Variants in SCAI observed in about 807,000 individuals in gnomAD.
SCAI encodes the protein protein SCAI.
SCAI carries 24 observed loss-of-function variants against 92.2 expected under a neutral mutation model. The ratio of observed to expected loss-of-function variants is 0.26; its 90% CI spans 0.19 to 0.37. The LOEUF (loss-of-function observed/expected upper bound fraction) is 0.37, where lower values mean the gene tolerates loss of function less well. SCAI is among the 10% of genes least tolerant of loss of function. SCAI has a pLI of 1.00. For missense variants in SCAI, 450 were observed against 736.2 expected (o/e 0.61, Z 4.50); for synonymous variants, 261 against 258.6 (o/e 1.01, Z -0.09).
chr9:125,057,319 TA>T (rs1833689554), intron 2 of SCAI, among the ~76,000 whole-genome samples: 1 of 151,606 alleles, frequency 6.6e-6, no homozygotes, highest in South Asian at 2.1e-4. Context: ...AGAGATAAGA[TA>T]GAGAAATGAG....
intron 17 of SCAI, among the ~76,000 whole-genome samples, chr9:124,957,394 A>C (rs1413114827): frequency 6.6e-6 from 1 of 151,752 alleles, no homozygotes; most frequent in Non-Finnish European, 1.5e-5. Context: ...ATGGAGTCTC[A>C]CTCTGTTGCC....
rs529831429 is a variant in SCAI, at chr9:125,098,001, A to ATG, written c.99-41996_99-41995dup. 5.8e-3 allele frequency among the ~76,000 whole-genome samples: 871 copies of ATG among 150,918 alleles called. 6 individuals are homozygous for ATG. The highest frequency in any genetic ancestry group is 0.02 in the African/African-American group (816 of 41,210). On this transcript the variant is annotated intron_variant, in intron 2 of 17. Coordinates refer to ENST00000336505, the MANE Select transcript of SCAI (RefSeq NM_001144877.3). ...TTCTGATCTATATAAGAATATATAT[A>ATG]TGTGTGTGTGTGTGTATATATATAT...
intron 14 of SCAI, among the ~76,000 whole-genome samples, chr9:124,978,468 A>T (rs945578102): frequency 6.6e-6 from 1 of 152,220 alleles, no homozygotes; most frequent in Admixed American, 6.5e-5. Flanking sequence ...CTATCAGTTA[A>T]GCAAAATTTC....
In SCAI at chr9:124,963,425, C is replaced by T. The variant is rs541961577; in HGVS notation, c.1674+7945G>A. 2.2e-4 allele frequency among the ~76,000 whole-genome samples: 34 copies of T among 152,084 alleles called. No individual in the cohort carries two copies. In the South Asian group the frequency reaches 3.9e-3, roughly 18 times the overall value. Reference sequence around the variant, plus strand: ...CTGGGATTACAGGCGTGAGCCACAGCGCCGGGCTGAGAAAAGAAAATGTTA... The same window carrying T: ...CTGGGATTACAGGCGTGAGCCACAGTGCCGGGCTGAGAAAAGAAAATGTTA... On this transcript the variant is annotated intron_variant, in intron 17 of 17. Coordinates refer to ENST00000336505, the MANE Select transcript of SCAI (RefSeq NM_001144877.3).
chr9:125,093,455 T>C (rs1265300779), intron 2 of SCAI, among the ~76,000 whole-genome samples: 3 of 152,226 alleles, frequency 2.0e-5, no homozygotes, highest in Admixed American at 6.5e-5. Context: ...CGTGGAAATG[T>C]TGGAGTGTTC....
At chr9:124,999,410 C>T (rs1832313488) in intron 13 of SCAI, among the ~76,000 whole-genome samples, 2 of 151,646 alleles carry the variant, frequency 1.3e-5, no homozygotes, top group Admixed American at 1.3e-4. Context: ...AATGTTTGGG[C>T]TGAACACAGT....
chr9:124,997,349 G>C (rs1832259429), intron 13 of SCAI, among the ~76,000 whole-genome samples: 2 of 152,066 alleles, frequency 1.3e-5, no homozygotes, highest in African/African-American at 4.8e-5. Flanking sequence ...AATTTCATGG[G>C]TCCCATCCCT....
At chr9:125,109,424 T>TAAAGTGCCATGTATTTAGTTATTAATACA in intron 2 of SCAI, among the ~76,000 whole-genome samples, 1 of 152,122 alleles carries the variant, frequency 6.6e-6, no homozygotes, top group African/African-American at 2.4e-5. Flanking sequence ...GAGCTTACAT[T>TAAAGTGCCATGTATTTAGTTATTAATACA]TGTTATTAAA....
chr9:125,070,662 G>A (rs771840229), intron 2 of SCAI, among the ~76,000 whole-genome samples: 5 of 152,010 alleles, frequency 3.3e-5, no homozygotes, highest in South Asian at 2.1e-4. Context: ...ACCTCCCAGC[G>A]TGCTGGGATT....
At chr9:125,003,951 G>A (rs1832418202) in intron 9 of SCAI, among the ~76,000 whole-genome samples, 1 of 152,066 alleles carries the variant, frequency 6.6e-6, no homozygotes, top group Non-Finnish European at 1.5e-5. Context: ...CAAGGCAGGT[G>A]GATCACCTGA....
rs1319969177 is a variant in SCAI, at chr9:124,971,519, A to G, written c.1574-49T>C. ...GTAAAAAGATGCTTAAATGGAAATTATGTTTCAAAGGGGAAGGAAACTTCA... is the reference window on the plus strand; with the variant it reads ...GTAAAAAGATGCTTAAATGGAAATTGTGTTTCAAAGGGGAAGGAAACTTCA... On this transcript the variant is annotated intron_variant, in intron 16 of 17. Transcript: ENST00000336505. 4 of 1,495,414 alleles carry G rather than the reference A, an allele frequency of 2.7e-6. No individual in the cohort carries two copies. In the Admixed American group the frequency reaches 7.2e-5, roughly 27 times the overall value. The allele number at this position is 1,495,414 out of a possible 1,614,324, so 92.6% of individuals were successfully genotyped here. A position where few individuals can be genotyped will look rare whatever the true frequency, so the allele number is the denominator to read the frequency against.
At chr9:125,019,241 A>G in intron 7 of SCAI, 36 bp from the exon 8 acceptor site, 1 of 1,170,558 alleles carries the variant, frequency 8.5e-7, no homozygotes, top group Non-Finnish European at 1.2e-6. Flanking sequence ...GGTTATTAAA[A>G]AACCCATAAA....
intron 2 of SCAI, among the ~76,000 whole-genome samples, chr9:125,088,645 T>C (rs1271853934): frequency 6.6e-6 from 1 of 152,158 alleles, no homozygotes; most frequent in African/African-American, 2.4e-5. Context: ...ACCCACCTAA[T>C]ATCTTAATTT....
intron 3 of SCAI, among the ~76,000 whole-genome samples, chr9:125,041,441 G>A (rs1254456572): frequency 6.6e-6 from 1 of 152,110 alleles, no homozygotes; most frequent in African/African-American, 2.4e-5. Context: ...CAATTATTGT[G>A]TTTCATTAAG....
intron 2 of SCAI, among the ~76,000 whole-genome samples, chr9:125,125,761 G>A (rs370892113): frequency 2.0e-5 from 3 of 151,010 alleles, no homozygotes; most frequent in African/African-American, 2.4e-5. Context: ...AACCTGGGAG[G>A]CGGAGGTTGC....
intron 13 of SCAI, 82 bp downstream of exon 13, chr9:124,999,809 A>G: frequency 1.4e-6 from 1 of 720,668 alleles, no homozygotes; most frequent in Non-Finnish European, 2.3e-6. Context: ...ACTAGAAAAA[A>G]CTCCCCATTT....
chr9:124,987,916 T>C (rs1832032406), intron 14 of SCAI, among the ~76,000 whole-genome samples: 1 of 151,994 alleles, frequency 6.6e-6, no homozygotes, highest in South Asian at 2.1e-4. Context: ...TGAGCCAAGA[T>C]CATGCCACTG....
chr9:125,005,877 A>T (rs1832495717), intron 9 of SCAI, among the ~76,000 whole-genome samples: 1 of 152,230 alleles, frequency 6.6e-6, no homozygotes, highest in South Asian at 2.1e-4. Flanking sequence ...ACTCTACCTT[A>T]GCCTTTGTTC....
At chr9:124,989,172 C>T (rs1832061183) in intron 14 of SCAI, among the ~76,000 whole-genome samples, 1 of 151,778 alleles carries the variant, frequency 6.6e-6, no homozygotes. Context: ...AACCAGGAAA[C>T]GATATTGAGA....
Sources: gnomAD v4.1 joint callset for allele counts (sites outside exome capture counted in the v4.1 genomes callset) on GRCh38, gnomAD v4.1.1 for gene constraint, MANE v1.5 for transcripts, NCBI Gene and HGNC (gene_info 2026-07-23, HGNC 2026-07-21) for gene names.